Variants in MAPKAP1 observed in about 807,000 individuals in gnomAD.
MAPKAP1 encodes the protein MAPK associated protein 1.
In MAPKAP1, 20 loss-of-function variants were observed where a neutral mutation model predicts 65.7. The ratio of observed to expected loss-of-function variants is 0.30; its 90% CI spans 0.21 to 0.44. The LOEUF (loss-of-function observed/expected upper bound fraction) is 0.44. Ranked by LOEUF, MAPKAP1 falls within the 20% of genes least tolerant of loss-of-function variation. MAPKAP1 has a pLI of 1.00. For missense variants in MAPKAP1, 423 were observed against 648.0 expected (o/e 0.65, Z 3.77); for synonymous variants, 222 against 244.3 (o/e 0.91, Z 0.85).
intron 9 of MAPKAP1, among the ~76,000 whole-genome samples, chr9:125,482,572 G>A (rs1306783378): frequency 2.0e-5 from 3 of 152,194 alleles, no homozygotes; most frequent in Non-Finnish European, 4.4e-5. Context: ...TTATGAGGAA[G>A]AAGAGCTACA....
At chr9:125,461,465 G>A (rs576341973) in intron 10 of MAPKAP1, among the ~76,000 whole-genome samples, 1 of 152,264 alleles carries the variant, frequency 6.6e-6, no homozygotes, top group South Asian at 2.1e-4. Flanking sequence ...ATCCACTCAG[G>A]CCCAAGGAGA....
In MAPKAP1 at chr9:125,687,829, C is replaced by T. The variant is rs138116059; in HGVS notation, c.-69-15186G>A. The stretch of plus-strand genomic sequence containing the variant: ...ATTTACAGAAAGCTAAAAAGCACGA[C>T]ATAAATCTAAGATGTAATATTACTG... On this transcript the variant is annotated intron_variant, in intron 1 of 11. Coordinates refer to ENST00000265960, the MANE Select transcript of MAPKAP1 (RefSeq NM_001006617.3). Among the ~76,000 whole-genome samples the T allele has an allele frequency of 4.1e-3, 620 of 152,234 alleles. 6 individuals carry two copies. Among genetic ancestry groups the T allele is most frequent in the African/African-American group, 0.014 (585 of 41,550 alleles).
At chr9:125,463,292 C>T (rs1853565891) in intron 10 of MAPKAP1, among the ~76,000 whole-genome samples, 1 of 152,198 alleles carries the variant, frequency 6.6e-6, no homozygotes, top group African/African-American at 2.4e-5. Context: ...TCCTTCTGAC[C>T]TATAAAACAC....
rs533353399 is a variant in MAPKAP1, at chr9:125,458,791, G to A, written c.1345+9181C>T. ...GGGCTCTTCACATCCCAGAAGGGGCGGCCGGGCAGAGGCGCCCCTCACCTC... is the reference window on the plus strand; with the variant it reads ...GGGCTCTTCACATCCCAGAAGGGGCAGCCGGGCAGAGGCGCCCCTCACCTC... On this transcript the variant is annotated intron_variant, in intron 10 of 11. Transcript: ENST00000265960. Among the ~76,000 whole-genome samples, 14 of 146,272 alleles carry A rather than the reference G, an allele frequency of 9.6e-5. No individual in the cohort carries two copies. In the South Asian group the frequency reaches 1.6e-3, roughly 17 times the overall value.
chr9:125,675,920 A>T (rs926384369), intron 1 of MAPKAP1, among the ~76,000 whole-genome samples: 5 of 152,202 alleles, frequency 3.3e-5, no homozygotes, highest in African/African-American at 1.2e-4. Context: ...CCCTTGGAAC[A>T]CTATTCAACT....
intron 3 of MAPKAP1, among the ~76,000 whole-genome samples, chr9:125,664,371 A>G (rs1834277762): frequency 6.6e-6 from 1 of 151,748 alleles, no homozygotes; most frequent in Non-Finnish European, 1.5e-5. Context: ...AAAAATAAAA[A>G]TAAAATAACA....
At chr9:125,513,942 C>T (rs1829385142) in intron 7 of MAPKAP1, among the ~76,000 whole-genome samples, 1 of 152,162 alleles carries the variant, frequency 6.6e-6, no homozygotes, top group South Asian at 2.1e-4. Flanking sequence ...TCCTACAGTT[C>T]CCTAGTCTCT....
intron 4 of MAPKAP1, among the ~76,000 whole-genome samples, chr9:125,614,109 A>G (rs1394802376): frequency 6.6e-6 from 1 of 152,154 alleles, no homozygotes; most frequent in Non-Finnish European, 1.5e-5. Context: ...AAAAAGAGCA[A>G]TTTCTAAATC....
chr9:125,639,629 A>C (rs937197845), intron 4 of MAPKAP1, among the ~76,000 whole-genome samples: 2 of 152,128 alleles, frequency 1.3e-5, no homozygotes, highest in Non-Finnish European at 2.9e-5. Flanking sequence ...ACAAATTTGT[A>C]CTCTAAAGAG....
intron 7 of MAPKAP1, among the ~76,000 whole-genome samples, chr9:125,529,011 T>A (rs1245581861): frequency 6.7e-6 from 1 of 149,366 alleles, no homozygotes; most frequent in Non-Finnish European, 1.5e-5. Context: ...AAAATACAAC[T>A]AAAAATACAA....
intron 10 of MAPKAP1, among the ~76,000 whole-genome samples, chr9:125,451,606 T>C (rs761175178): frequency 6.6e-6 from 1 of 152,056 alleles, no homozygotes; most frequent in Admixed American, 6.6e-5. Flanking sequence ...TCCCCTTAAA[T>C]TGGCAGTTGT....
intron 4 of MAPKAP1, among the ~76,000 whole-genome samples, chr9:125,614,593 C>T (rs1181828574): frequency 6.6e-6 from 1 of 152,008 alleles, no homozygotes; most frequent in Non-Finnish European, 1.5e-5. Flanking sequence ...CCATTGCACT[C>T]CAGCTTTGAG....
chr9:125,674,493 C>T (rs1468687447), intron 1 of MAPKAP1, among the ~76,000 whole-genome samples: 1 of 152,212 alleles, frequency 6.6e-6, no homozygotes, highest in African/African-American at 2.4e-5. Context: ...TTTCCAGGAA[C>T]AGTCCTAGAA....
At chr9:125,566,837 C>G (rs1481347381) in intron 5 of MAPKAP1, among the ~76,000 whole-genome samples, 1 of 152,138 alleles carries the variant, frequency 6.6e-6, no homozygotes, top group Non-Finnish European at 1.5e-5. Context: ...ATATTTCCAG[C>G]TCATATCTCT....
At chr9:125,610,926 G>T (rs148706053) in intron 4 of MAPKAP1, among the ~76,000 whole-genome samples, 1 of 152,054 alleles carries the variant, frequency 6.6e-6, no homozygotes, top group Non-Finnish European at 1.5e-5. Context: ...AACATAGAAG[G>T]CATCATGAAA....
chr9:125,489,070 T>C (rs953874261), intron 8 of MAPKAP1, among the ~76,000 whole-genome samples: 2 of 152,242 alleles, frequency 1.3e-5, no homozygotes, highest in Admixed American at 1.3e-4. Flanking sequence ...TTAAAATTAC[T>C]CTACGACAAC....
At chr9:125,497,905 A>G (rs900855181) in intron 8 of MAPKAP1, among the ~76,000 whole-genome samples, 3 of 152,244 alleles carry the variant, frequency 2.0e-5, no homozygotes, top group Non-Finnish European at 2.9e-5. Context: ...AAGGACCTGC[A>G]TGGACTACCT....
intron 4 of MAPKAP1, among the ~76,000 whole-genome samples, chr9:125,647,934 C>CT (rs59735781): frequency 0.065 from 9,197 of 140,562 alleles, 856 homozygotes; most frequent in African/African-American, 0.22. Context: ...GTCCCAATAT[C>CT]TTTTTTTTTT....
chr9:125,459,844 G>C (rs1853403139), intron 10 of MAPKAP1, among the ~76,000 whole-genome samples: 1 of 148,734 alleles, frequency 6.7e-6, no homozygotes. Flanking sequence ...GAGAGGGAGA[G>C]GGAGACCGTG....
Sources: gnomAD v4.1 joint callset for allele counts (sites outside exome capture counted in the v4.1 genomes callset) on GRCh38, gnomAD v4.1.1 for gene constraint, MANE v1.5 for transcripts, NCBI Gene and HGNC (gene_info 2026-07-23, HGNC 2026-07-21) for gene names.